RIN3: variants seen among roughly 807,000 people sequenced by gnomAD.
RIN3 encodes the protein RAB5 interacting protein 3.
RIN3 carries 54 observed loss-of-function variants against 76.3 expected under a neutral mutation model. The ratio of observed to expected loss-of-function variants is 0.71; its 90% CI spans 0.57 to 0.89. RIN3 has a LOEUF of 0.89. Ranked by LOEUF, RIN3 falls within the 40% of genes least tolerant of loss-of-function variation. The pLI, the probability that RIN3 is intolerant of heterozygous loss-of-function variation, is 0.00. For synonymous variants in RIN3, 576 were observed against 564.0 expected, an observed-to-expected ratio of 1.02 and a Z score of -0.30; for missense variants, 1,256 against 1,322.1, an observed-to-expected ratio of 0.95 and a Z score of 0.78.
intron 4 of RIN3, among the ~76,000 whole-genome samples, chr14:92,635,867 G>A (rs767227013): frequency 6.6e-6 from 1 of 152,092 alleles, no homozygotes; most frequent in East Asian, 1.9e-4. Context: ...AAGAAAAAAG[G>A]AATACTAGTT....
chr14:92,609,094 C>A (rs1277009200), intron 3 of RIN3, among the ~76,000 whole-genome samples: 2 of 152,088 alleles, frequency 1.3e-5, no homozygotes, highest in Non-Finnish European at 2.9e-5. Context: ...TATGCCTTTG[C>A]GATCTCATAG....
chr14:92,567,937 A>G (rs1286674488), intron 2 of RIN3, among the ~76,000 whole-genome samples: 2 of 152,194 alleles, frequency 1.3e-5, no homozygotes, highest in Non-Finnish European at 2.9e-5. Flanking sequence ...ATTATAAGTT[A>G]TTAAGTACAT....
At chr14:92,618,108 C>A (rs1176322333) in intron 4 of RIN3, among the ~76,000 whole-genome samples, 2 of 152,132 alleles carry the variant, frequency 1.3e-5, no homozygotes, top group Admixed American at 1.3e-4. Context: ...TTTTTTTTAA[C>A]CTGCATTGGG....
rs564498295 is a variant in RIN3, at chr14:92,685,400, G to A, written c.2631+250G>A. 37 of 512,242 alleles carry A rather than the reference G, an allele frequency of 7.2e-5. 1 individual carries two copies. The highest frequency in any genetic ancestry group is 7.1e-4 in the South Asian group (28 of 39,272). The allele number at this position is 512,242 out of a possible 1,614,324, so 31.7% of individuals were successfully genotyped here. ...TTCTCCCTGGGCAAGCAGGAAGGGTGCAGGAGGAATGAGACACACCCATCA... is the reference window on the plus strand; with the variant it reads ...TTCTCCCTGGGCAAGCAGGAAGGGTACAGGAGGAATGAGACACACCCATCA... On this transcript the variant is annotated intron_variant, in intron 9 of 9. Transcript: ENST00000216487. This position sits in a 1 kb window ranked among gnomAD's most constrained non-coding sequence, Gnocchi z 4.7.
In RIN3 at chr14:92,611,895, C is replaced by T. The variant is rs145263949; in HGVS notation, c.368-3512C>T. On this transcript the variant is annotated intron_variant, in intron 3 of 9. Transcript: ENST00000216487. ...CATGATGCTGGTATCTGCTCAGCTT[C>T]TGAGGAGGCCTCAGGAAACTTACAA... Among the ~76,000 whole-genome samples, 127 of 152,260 alleles carry T rather than the reference C, an allele frequency of 8.3e-4. 1 individual carries two copies. Among genetic ancestry groups the T allele is most frequent in the Non-Finnish European group, 1.4e-3 (92 of 68,030 alleles).
chr14:92,647,536 C>T (rs576504822), intron 5 of RIN3, among the ~76,000 whole-genome samples: 1 of 152,258 alleles, frequency 6.6e-6, no homozygotes, highest in East Asian at 1.9e-4. Context: ...TTGTAACTTG[C>T]TTTTTCCTTT....
chr14:92,528,254 T>C (rs951221555), intron 1 of RIN3, among the ~76,000 whole-genome samples: 2 of 151,866 alleles, frequency 1.3e-5, no homozygotes, highest in Non-Finnish European at 2.9e-5. Flanking sequence ...ACCGCCTCCC[T>C]CCTAGGGAGA....
intron 3 of RIN3, among the ~76,000 whole-genome samples, chr14:92,611,043 C>G (rs35031524): frequency 6.6e-6 from 1 of 151,916 alleles, no homozygotes; most frequent in African/African-American, 2.4e-5. Flanking sequence ...AAACTAGGAG[C>G]CTTAGAGCAA....
At position 92,688,294 on chromosome 14, in the gene RIN3, T is replaced by C; in HGVS notation, c.*42T>C. On this transcript the variant is annotated 3_prime_UTR_variant, in exon 10 of 10. Transcript: ENST00000216487. The stretch of plus-strand genomic sequence containing the variant: ...CTCCCCTCACCCCCAGGCGCACGTC[T>C]GGCCCCGCCTCTGGCTGCGCACTCC... 2 of 1,471,952 alleles carry C rather than the reference T, an allele frequency of 1.4e-6. No individual in the cohort carries two copies. Among genetic ancestry groups the C allele is most frequent in the Non-Finnish European group, 1.8e-6 (2 of 1,109,780 alleles). 91.2% of individuals were successfully genotyped at this position (1,471,952 alleles called of 1,614,324 possible). A position where few individuals can be genotyped will look rare whatever the true frequency, so the allele number is the denominator to read the frequency against.
In RIN3 at chr14:92,686,132, C is replaced by A. The variant is rs140198878; in HGVS notation, c.2631+982C>A. 9.1e-3 allele frequency: 1,384 copies of A among 152,430 alleles called. 5 individuals are homozygous for A. The highest frequency in any genetic ancestry group is 0.027 in the Middle Eastern group (8 of 296). 9.4% of individuals were successfully genotyped at this position (152,430 alleles called of 1,614,324 possible). A position where few individuals can be genotyped will look rare whatever the true frequency, so the allele number is the denominator to read the frequency against. ...GCTATGCAGACTCACTCCTCTGACACCCAGAGCAGACCAGTCCTGAGCCAC... is the reference window on the plus strand; with the variant it reads ...GCTATGCAGACTCACTCCTCTGACAACCAGAGCAGACCAGTCCTGAGCCAC... On this transcript the variant is annotated intron_variant, in intron 9 of 9. Coordinates refer to ENST00000216487, the MANE Select transcript of RIN3 (RefSeq NM_024832.5).
intron 3 of RIN3, among the ~76,000 whole-genome samples, chr14:92,612,986 G>T (rs962741735): frequency 6.6e-6 from 1 of 152,234 alleles, no homozygotes; most frequent in Non-Finnish European, 1.5e-5. Flanking sequence ...ACAGAAGGGG[G>T]TGTGACTGAC....
At chr14:92,548,754 C>T (rs780597179) in intron 1 of RIN3, among the ~76,000 whole-genome samples, 23 of 152,114 alleles carry the variant, frequency 1.5e-4, no homozygotes, top group Non-Finnish European at 2.9e-4. Flanking sequence ...AGGATGATCT[C>T]ATCTCAGTAG....
intron 1 of RIN3, among the ~76,000 whole-genome samples, chr14:92,547,200 A>G (rs12890606): frequency 0.05 from 2,431 of 48,882 alleles, 738 homozygotes; most frequent in East Asian, 0.26. Flanking sequence ...AAAATAAATT[A>G]TCTTTATTTT....
chr14:92,606,590 G>A (rs77452867), intron 3 of RIN3, among the ~76,000 whole-genome samples: 13,382 of 152,064 alleles, frequency 0.088, 788 homozygotes, highest in Non-Finnish European at 0.13. Context: ...ATCAAAAATG[G>A]GCAAAGGATC....
At chr14:92,557,874 A>T (rs1051345719) in intron 2 of RIN3, among the ~76,000 whole-genome samples, 5 of 152,190 alleles carry the variant, frequency 3.3e-5, no homozygotes, top group African/African-American at 1.2e-4. Context: ...AAAATTTTTG[A>T]TGCCAGGGGA....
At chr14:92,686,653 G>A (rs1323516565) in intron 9 of RIN3, 2 of 152,324 alleles carry the variant, frequency 1.3e-5, no homozygotes, top group Non-Finnish European at 2.9e-5. Context: ...GGATGAAACG[G>A]ACCACCCACT....
At chr14:92,620,848 C>G (rs1265341242) in intron 4 of RIN3, among the ~76,000 whole-genome samples, 2 of 152,244 alleles carry the variant, frequency 1.3e-5, no homozygotes, top group Admixed American at 6.5e-5. Flanking sequence ...ACAGCCTGTG[C>G]AATTAAGAAA....
At position 92,546,075 on chromosome 14, in the gene RIN3, G is replaced by A. The variant is rs939478494; in HGVS notation, c.45-9676G>A. On this transcript the variant is annotated intron_variant, in intron 1 of 9. Transcript: ENST00000216487. ...CTAGTAGCTGGGATTACAGGCACCC[G>A]CCACCACATCTGGTAATTTTTGTAT... Among the ~76,000 whole-genome samples, 5 of 151,906 alleles carry A rather than the reference G, an allele frequency of 3.3e-5. No individual in the cohort carries two copies. The East Asian group carries it at 5.8e-4, about 18-fold the overall frequency.
intron 4 of RIN3, among the ~76,000 whole-genome samples, chr14:92,622,423 T>G (rs1378259685): frequency 1.3e-5 from 2 of 152,238 alleles, no homozygotes; most frequent in African/African-American, 4.8e-5. Context: ...AGGCCATGCC[T>G]TCCCATCCTT....
Sources: gnomAD v4.1 joint callset for allele counts (sites outside exome capture counted in the v4.1 genomes callset) on GRCh38, gnomAD v4.1.1 for gene constraint, Gnocchi (gnomAD v3.1) non-coding constraint, MANE v1.5 for transcripts, NCBI Gene and HGNC (gene_info 2026-07-23, HGNC 2026-07-21) for gene names.